CAST: variants seen among roughly 807,000 people sequenced by gnomAD.
The protein encoded by CAST is calpastatin.
CAST carries 76 observed loss-of-function variants against 119.6 expected under a neutral mutation model. That is an observed-to-expected ratio of 0.64 (90% CI 0.53 to 0.77). The LOEUF (loss-of-function observed/expected upper bound fraction) is 0.77. Among genes scored for constraint, CAST ranks in the 30% least tolerant of loss-of-function variants. The pLI is 0.00. For missense variants in CAST, 953 were observed against 946.5 expected (o/e 1.01, Z -0.09); for synonymous variants, 319 against 331.6 (o/e 0.96, Z 0.41).
intron 29 of CAST, chr5:96,769,402 T>TG (rs1362994978): frequency 6.6e-6 from 1 of 151,946 alleles, no homozygotes; most frequent in African/African-American, 2.4e-5. Flanking sequence ...TTTTGTTTTT[T>TG]TTTTTTTGCC....
At chr5:96,310,917 T>G in the CAST span, among the ~76,000 whole-genome samples, 4 of 151,720 alleles carry the variant, frequency 2.6e-5, no homozygotes, top group Non-Finnish European at 4.4e-5. Context: ...TATTTCTAAC[T>G]TCTATTTTAT....
the CAST span, among the ~76,000 whole-genome samples, chr5:96,308,521 C>T: frequency 2.3e-3 from 347 of 151,954 alleles, 1 homozygote; most frequent in African/African-American, 7.9e-3. Flanking sequence ...TGATCCTTTG[C>T]GGGAGAGGAG....
In CAST at chr5:96,747,638, A is replaced by T. The variant is rs3816555; in HGVS notation, c.1332+246A>T. Among the ~76,000 whole-genome samples the T allele has an allele frequency of 0.069, 10,498 of 152,256 alleles. 771 individuals carry two copies. Among genetic ancestry groups the T allele is most frequent in the East Asian group, 0.26 (1,338 of 5,174 alleles). ...TTCTAGGTAAAATTTATTGCACACT[A>T]GAAACTGATGTCAAGAGGGCCCTTA... On this transcript the variant is annotated intron_variant, in intron 18 of 31. Coordinates refer to ENST00000675179, the MANE Select transcript of CAST (RefSeq NM_001750.7).
At chr5:96,151,685 A>C in the CAST span, among the ~76,000 whole-genome samples, 2 of 152,208 alleles carry the variant, frequency 1.3e-5, no homozygotes, top group African/African-American at 2.4e-5. Context: ...AACAGTATGT[A>C]TAAGGTTTAT....
chr5:96,607,113 C>T (rs1191544009), intron 1 of CAST, among the ~76,000 whole-genome samples: 2 of 152,048 alleles, frequency 1.3e-5, no homozygotes, highest in Non-Finnish European at 2.9e-5. Flanking sequence ...ACAGGGAAAA[C>T]CCATCTCTAC....
the CAST span, among the ~76,000 whole-genome samples, chr5:95,989,165 C>T: frequency 2.6e-5 from 4 of 152,100 alleles, no homozygotes; most frequent in Non-Finnish European, 4.4e-5. Flanking sequence ...ATAACTAAGC[C>T]GCCTTAAAAA....
chr5:96,092,816 T>C, the CAST span, among the ~76,000 whole-genome samples: 11 of 152,190 alleles, frequency 7.2e-5, no homozygotes, highest in Admixed American at 2.0e-4. Context: ...TTTAGAATCA[T>C]AGAAAGAGCT....
chr5:96,203,618 A>G, the CAST span, among the ~76,000 whole-genome samples: 1 of 152,024 alleles, frequency 6.6e-6, no homozygotes, highest in Non-Finnish European at 1.5e-5. Flanking sequence ...TTTCATTGTG[A>G]TTTCCTGCTT....
At chr5:96,767,207 A>G (rs1770305448) in intron 27 of CAST, among the ~76,000 whole-genome samples, 1 of 152,220 alleles carries the variant, frequency 6.6e-6, no homozygotes, top group African/African-American at 2.4e-5. Flanking sequence ...TTTCACTTCC[A>G]GGACCAGACC....
the CAST span, among the ~76,000 whole-genome samples, chr5:96,437,847 C>T: frequency 6.6e-6 from 1 of 152,144 alleles, no homozygotes; most frequent in South Asian, 2.1e-4. Flanking sequence ...TTCCTGGTCT[C>T]CCAAAGCAAC....
chr5:96,403,019 G>A, the CAST span, among the ~76,000 whole-genome samples: 7 of 152,128 alleles, frequency 4.6e-5, no homozygotes, highest in Non-Finnish European at 7.3e-5. Flanking sequence ...CCAGTTTTCC[G>A]TTTGGATCAT....
chr5:96,020,499 T>C, the CAST span, among the ~76,000 whole-genome samples: 1 of 152,178 alleles, frequency 6.6e-6, no homozygotes, highest in Non-Finnish European at 1.5e-5. Flanking sequence ...CTGCTCCCCA[T>C]CGCTCACATT....
At chr5:96,301,453 C>T in the CAST span, among the ~76,000 whole-genome samples, 1 of 152,144 alleles carries the variant, frequency 6.6e-6, no homozygotes, top group Non-Finnish European at 1.5e-5. Context: ...CCCCCAAAGT[C>T]TTAACTCATT....
chr5:96,266,417 G>A, the CAST span, among the ~76,000 whole-genome samples: 13 of 152,156 alleles, frequency 8.5e-5, 1 homozygote, highest in South Asian at 4.1e-4. Context: ...CCTAAAGAGA[G>A]ATAAAGGCAA....
the CAST span, among the ~76,000 whole-genome samples, chr5:96,206,721 T>C: frequency 1.3e-5 from 2 of 152,170 alleles, no homozygotes; most frequent in Admixed American, 1.3e-4. Flanking sequence ...GTGGTATAGT[T>C]TGAAGACAGA....
At chr5:96,361,875 T>G in the CAST span, among the ~76,000 whole-genome samples, 3 of 150,326 alleles carry the variant, frequency 2.0e-5, no homozygotes, top group Non-Finnish European at 4.4e-5. Context: ...AGGGTACATG[T>G]GCACAACGTG....
the CAST span, among the ~76,000 whole-genome samples, chr5:96,199,262 C>T: frequency 6.6e-6 from 1 of 151,962 alleles, no homozygotes; most frequent in Non-Finnish European, 1.5e-5. Context: ...CTTTGGTGTT[C>T]ATTGTTTAAG....
intron 1 of CAST, among the ~76,000 whole-genome samples, chr5:96,569,738 G>A (rs572145211): frequency 2.6e-5 from 4 of 152,274 alleles, no homozygotes; most frequent in Admixed American, 2.6e-4. Context: ...GCGACAACAC[G>A]ATCACTGATC....
the CAST span, among the ~76,000 whole-genome samples, chr5:96,163,010 T>C: frequency 1.3e-5 from 2 of 152,230 alleles, no homozygotes; most frequent in Non-Finnish European, 2.9e-5. Flanking sequence ...AATTCAGCGG[T>C]GAATTCTACT....
Sources: gnomAD v4.1 joint callset for allele counts (sites outside exome capture counted in the v4.1 genomes callset) on GRCh38, gnomAD v4.1.1 for gene constraint, MANE v1.5 for transcripts, NCBI Gene and HGNC (gene_info 2026-07-23, HGNC 2026-07-21) for gene names.